KANK4: variants seen among roughly 807,000 people sequenced by gnomAD.
KANK4 encodes KN motif and ankyrin repeat domain-containing protein 4.
Under a neutral mutation model 80.8 loss-of-function variants are expected in KANK4, and 50 were observed. That is an observed-to-expected ratio of 0.62 (90% confidence interval 0.49 to 0.78). The LOEUF is 0.78. Ranked by LOEUF, KANK4 falls within the 30% of genes least tolerant of loss-of-function variation. The pLI is 0.00. For synonymous variants in KANK4, 465 were observed against 506.9 expected (o/e 0.92, Z 1.11); for missense variants, 1,196 against 1,240.1 (o/e 0.96, Z 0.53).
chr1:62,265,574 G>A (rs1244886372), intron 6 of KANK4, among the ~76,000 whole-genome samples: 1 of 152,140 alleles, frequency 6.6e-6, no homozygotes, highest in Non-Finnish European at 1.5e-5. Context: ...ACAACTATTT[G>A]TCAAATCAGC....
intron 7 of KANK4, among the ~76,000 whole-genome samples, chr1:62,259,040 G>A (rs978451372): frequency 6.6e-6 from 1 of 152,082 alleles, no homozygotes; most frequent in African/African-American, 2.4e-5. Flanking sequence ...GCAGGTGGGA[G>A]CCAGGGCAGG....
chr1:62,307,758 A>ATT (rs34091753), intron 1 of KANK4, among the ~76,000 whole-genome samples: 10 of 145,310 alleles, frequency 6.9e-5, no homozygotes, highest in Admixed American at 2.1e-4. Flanking sequence ...GCCAGACCTG[A>ATT]TTTTTTTTTT....
At position 62,247,681 on chromosome 1, in the gene KANK4, A is replaced by AGAG. The variant is rs151084532; in HGVS notation, c.2683-12_2683-10dup. 2,261 of 1,612,296 alleles carry AGAG rather than the reference A, an allele frequency of 1.4e-3. 33 individuals carry two copies. The African/African-American group carries it at 0.028, about 20-fold the overall frequency. On this transcript the variant is annotated splice_polypyrimidine_tract_variant and intron_variant, in intron 8 of 9. Transcript: ENST00000371153. ...AGCGCAGTCTGGCCTCCCTGCATGC[A>AGAG]GAGCCACAGGGATGTGGTGAGGTTG... is the stretch of plus-strand genomic sequence containing the variant.
chr1:62,239,564 T>C (rs1671289233), intron 9 of KANK4, among the ~76,000 whole-genome samples: 2 of 152,134 alleles, frequency 1.3e-5, no homozygotes, highest in African/African-American at 4.8e-5. Context: ...GTGCACAACA[T>C]GCAGGTTTGT....
chr1:62,310,755 T>C (rs1279944649), intron 1 of KANK4, among the ~76,000 whole-genome samples: 1 of 152,016 alleles, frequency 6.6e-6, no homozygotes, highest in Non-Finnish European at 1.5e-5. Context: ...CCTGAGAAGA[T>C]GGGGACAATT....
intron 9 of KANK4, among the ~76,000 whole-genome samples, chr1:62,247,235 C>T (rs1221283808): frequency 3.3e-5 from 5 of 152,014 alleles, no homozygotes; most frequent in African/African-American, 4.8e-5. Flanking sequence ...GATTTTGTTG[C>T]ATTGCCATAG....
At chr1:62,281,696 AAC>A in intron 1 of KANK4, 62 bp from the exon 2 acceptor site, 1 of 1,024,890 alleles carries the variant, frequency 9.8e-7, no homozygotes, top group Non-Finnish European at 1.5e-6. Flanking sequence ...GTATTGGGGA[AAC>A]ACAGCACTAA....
intron 5 of KANK4, among the ~76,000 whole-genome samples, chr1:62,267,801 C>CAAAAA (rs59851783): frequency 6.3e-5 from 8 of 126,576 alleles, no homozygotes; most frequent in African/African-American, 2.3e-4. Flanking sequence ...GACTCCGTCT[C>CAAAAA]AAAAAAAAAA....
In KANK4 at chr1:62,275,388, A is replaced by C. The variant is rs184176361; in HGVS notation, c.17-301T>G. Among the ~76,000 whole-genome samples, 35 of 152,340 alleles carry C rather than the reference A, an allele frequency of 2.3e-4. 1 individual carries two copies. Among genetic ancestry groups the C allele is most frequent in the Middle Eastern group, 3.4e-3 (1 of 294 alleles). On this transcript the variant is annotated intron_variant, in intron 2 of 9. Transcript: ENST00000371153. ...AATCTGCCTGCAGACTGGCAAAACC[A>C]AATGGTCTTGTACTGCTTTTCTGGG...
At chr1:62,310,045 G>C (rs1422763155) in intron 1 of KANK4, among the ~76,000 whole-genome samples, 1 of 152,210 alleles carries the variant, frequency 6.6e-6, no homozygotes, top group Non-Finnish European at 1.5e-5. Context: ...GGCCAGCCCC[G>C]AGGCAGGCAC....
chr1:62,241,633 C>T (rs1671344242), intron 9 of KANK4, among the ~76,000 whole-genome samples: 2 of 152,114 alleles, frequency 1.3e-5, no homozygotes, highest in South Asian at 2.1e-4. Flanking sequence ...AAGAACCTAA[C>T]GGTATTCATT....
At chr1:62,291,921 G>A (rs1362536331) in intron 1 of KANK4, among the ~76,000 whole-genome samples, 1 of 151,992 alleles carries the variant, frequency 6.6e-6, no homozygotes, top group Admixed American at 6.6e-5. Context: ...TTATTTTTTT[G>A]CATGGGAATA....
intron 2 of KANK4, among the ~76,000 whole-genome samples, chr1:62,275,523 T>C (rs184871451): frequency 1.4e-4 from 22 of 152,300 alleles, no homozygotes; most frequent in Admixed American, 1.2e-3. Context: ...CACAAGTGGC[T>C]CAGCAGTAAA....
In KANK4 at chr1:62,236,593, ATTTTT is replaced by A. The variant is rs11449212; in HGVS notation, c.*1679_*1683del. On this transcript the variant is annotated 3_prime_UTR_variant, in exon 10 of 10. Coordinates refer to ENST00000371153, the MANE Select transcript of KANK4 (RefSeq NM_181712.5). The stretch of plus-strand genomic sequence containing the variant: ...ATGGCCTTAATGGGTTACAAATTGG[ATTTTT>A]TTTTTTTTTTTTTTTGAGACAGAGT... Among the ~76,000 whole-genome samples, 1 of 124,408 alleles carries A rather than the reference ATTTTT, an allele frequency of 8.0e-6. No homozygotes were observed. The highest frequency in any genetic ancestry group is 1.6e-5 in the Non-Finnish European group (1 of 61,904). 81.6% of individuals were successfully genotyped at this position (124,408 alleles called of 152,430 possible).
chr1:62,248,550 T>G (rs1409939891), intron 8 of KANK4, among the ~76,000 whole-genome samples: 1 of 149,836 alleles, frequency 6.7e-6, no homozygotes, highest in Non-Finnish European at 1.5e-5. Context: ...TTTTTTTGTT[T>G]TTTTTTTTTT....
intron 3 of KANK4, chr1:62,272,801 T>TTTC (rs1672196437): frequency 6.5e-6 from 1 of 153,480 alleles, no homozygotes; most frequent in South Asian, 2.1e-4. Flanking sequence ...TTCTTTTTTT[T>TTTC]TTTTTTTGAG....
intron 1 of KANK4, among the ~76,000 whole-genome samples, chr1:62,283,441 A>G (rs370338438): frequency 6.6e-6 from 1 of 152,212 alleles, no homozygotes; most frequent in Non-Finnish European, 1.5e-5. Flanking sequence ...TTGTAGCAGG[A>G]TGTGCCCTCA....
chr1:62,273,257 G>T lies in KANK4; in HGVS notation c.1847C>A (p.Ala616Asp). 6.5e-7 allele frequency: 1 copy of T among 1,548,028 alleles called. No individual in the cohort carries two copies. The highest frequency in any genetic ancestry group is 1.2e-5 in the South Asian group (1 of 80,818). Residue 616 changes from alanine to aspartate, a missense_variant, in exon 3 of 10, where the codon GCC becomes GAC. Ala to Asp is a moderately radical substitution (Grantham distance 126). Coordinates refer to ENST00000371153, the MANE Select transcript of KANK4 (RefSeq NM_181712.5). The stretch of plus-strand genomic sequence containing the variant: ...TGGCTCCTTGGGTGGGTGAGCCTGG[G>T]CCGAGTAGGCCGACAGCAGCAGGTT... ...SLNLLLSAYSAQAHPPKEPPA... is the reference protein window; with the variant it reads ...SLNLLLSAYSDQAHPPKEPPA...
chr1:62,300,048 T>C (rs1323987926), intron 1 of KANK4, among the ~76,000 whole-genome samples: 1 of 152,102 alleles, frequency 6.6e-6, no homozygotes, highest in Non-Finnish European at 1.5e-5. Context: ...CCAACACAAA[T>C]GCCTCCTTCA....
Sources: allele counts gnomAD v4.1 joint callset (sites outside exome capture counted in the v4.1 genomes callset), GRCh38; gene constraint gnomAD v4.1.1; transcripts MANE v1.5; gene names NCBI Gene and HGNC (gene_info 2026-07-23, HGNC 2026-07-21).